DAGLA: variants seen among roughly 807,000 people sequenced by gnomAD.
DAGLA encodes the protein diacylglycerol lipase alpha.
In DAGLA, 22 loss-of-function variants were observed where a neutral mutation model predicts 102.6. The observed-to-expected ratio is 0.21, with a 90% CI of 0.15 to 0.31. DAGLA has a LOEUF of 0.31. DAGLA is among the 10% of genes least tolerant of loss of function. The pLI is 1.00. For synonymous variants in DAGLA, 578 were observed against 628.9 expected, an observed-to-expected ratio of 0.92 and a Z score of 1.21; for missense variants, 927 against 1,446.6, an observed-to-expected ratio of 0.64 and a Z score of 5.83.
At chr11:61,681,463 T>G (rs1591018865) in intron 1 of DAGLA, among the ~76,000 whole-genome samples, 4 of 152,174 alleles carry the variant, frequency 2.6e-5, no homozygotes, top group African/African-American at 9.6e-5. Flanking sequence ...CCAGAATATG[T>G]CCTGAGAAGC....
Position 61,723,513 on chromosome 11 carries a change from C to A in DAGLA, c.489C>A (p.Thr163=), listed in dbSNP as rs1327777400. The change falls in exon 5 of 20, where the codon ACC becomes ACA. Residue 163 remains threonine, a synonymous_variant. Coordinates refer to ENST00000257215, the MANE Select transcript of DAGLA (RefSeq NM_006133.3). ...GCGTCTTCGACCCCACGGGCCGCACCTTTGTCAAGCTGAGAGCCACCAAGA... is the reference window on the plus strand; with the variant it reads ...GCGTCTTCGACCCCACGGGCCGCACATTTGTCAAGCTGAGAGCCACCAAGA... ...VLCVFDPTGR[T]FVKLRATKRR... 6.2e-7 allele frequency: 1 copy of A among 1,614,030 alleles called. No homozygotes were observed. The highest frequency in any genetic ancestry group is 8.5e-7 in the Non-Finnish European group (1 of 1,180,028).
intron 3 of DAGLA, 72 bp downstream of exon 3, chr11:61,720,962 T>C (rs1284199793): frequency 9.7e-6 from 14 of 1,440,018 alleles, no homozygotes; most frequent in Non-Finnish European, 1.3e-5. Context: ...CAGTATTTAC[T>C]GCGCACATGT....
In DAGLA at chr11:61,741,255, A is replaced by C; in HGVS notation, c.2077A>C (p.Ile693Leu). 1 of 1,613,284 alleles carries C rather than the reference A, an allele frequency of 6.2e-7. No homozygotes were observed. Among genetic ancestry groups the C allele is most frequent in the Non-Finnish European group, 8.5e-7 (1 of 1,179,998 alleles). ...CGAGGTGGACCTGACTCCTGAGCTC[A>C]TCTTCCAGCAGCAGCCACTCCCCAC... Reference protein sequence around the residue: ...PTEVDLTPELIFQQQPLPTGP... With the variant: ...PTEVDLTPELLFQQQPLPTGP... The change falls in exon 19 of 20, where the codon ATC becomes CTC. Residue 693 changes from isoleucine to leucine, a missense_variant. Physicochemically the swap from Ile to Leu is conservative, Grantham distance 5. Coordinates refer to ENST00000257215, the MANE Select transcript of DAGLA (RefSeq NM_006133.3).
At chr11:61,726,150 T>G (rs2065324716) in intron 6 of DAGLA, 68 bp downstream of exon 6, 1 of 1,473,898 alleles carries the variant, frequency 6.8e-7, no homozygotes, top group Non-Finnish European at 9.4e-7. Context: ...GGCTGTTGGC[T>G]CCTTTGGCAA....
intron 6 of DAGLA, among the ~76,000 whole-genome samples, chr11:61,726,631 G>T (rs1302701819): frequency 6.6e-6 from 1 of 152,230 alleles, no homozygotes. Context: ...CCCCGCAGCG[G>T]GCAGGGACCT....
chr11:61,689,166 C>T (rs1000517261), intron 1 of DAGLA, among the ~76,000 whole-genome samples: 2 of 152,288 alleles, frequency 1.3e-5, no homozygotes, highest in Non-Finnish European at 2.9e-5. Context: ...AGCTCCTCCA[C>T]TGCCCTGGGA....
At chr11:61,703,702 G>GATGGATGA (rs1214973549) in intron 1 of DAGLA, among the ~76,000 whole-genome samples, 3 of 152,080 alleles carry the variant, frequency 2.0e-5, no homozygotes, top group Non-Finnish European at 2.9e-5. Flanking sequence ...TGGATGGATG[G>GATGGATGA]ATGGATGGAT....
intron 5 of DAGLA, among the ~76,000 whole-genome samples, chr11:61,724,347 C>T (rs1022210519): frequency 6.6e-6 from 1 of 152,158 alleles, no homozygotes; most frequent in Non-Finnish European, 1.5e-5. Flanking sequence ...TAAGGAGCTC[C>T]CCATGCCAAG....
At chr11:61,733,015 C>T (rs198448) in intron 9 of DAGLA, among the ~76,000 whole-genome samples, 61,019 of 152,100 alleles carry the variant, frequency 0.4, 12,538 homozygotes, top group East Asian at 0.73. Flanking sequence ...GACTCAGAGG[C>T]AGCCCTGTCA....
At chr11:61,737,571 C>T in intron 14 of DAGLA, 116 bp from the exon 15 acceptor site, 1 of 1,144,590 alleles carries the variant, frequency 8.7e-7, no homozygotes, top group Non-Finnish European at 1.3e-6. Context: ...AGCCAGCTCC[C>T]CGGGAGCCAT....
intron 1 of DAGLA, among the ~76,000 whole-genome samples, chr11:61,714,494 G>T (rs1054244653): frequency 5.3e-5 from 8 of 152,246 alleles, no homozygotes; most frequent in Non-Finnish European, 1.0e-4. Context: ...TGTGGATGTT[G>T]CTGGCTTCTA....
Position 61,745,128 on chromosome 11 carries a change from G to A in DAGLA, c.*639G>A, listed in dbSNP as rs928692107. 1 of 153,484 alleles carries A rather than the reference G, an allele frequency of 6.5e-6. No homozygotes were observed. Among genetic ancestry groups the A allele is most frequent in the Admixed American group, 6.5e-5 (1 of 15,310 alleles). The allele number at this position is 153,484 out of a possible 1,614,324, so 9.5% of individuals were successfully genotyped here. On this transcript the variant is annotated 3_prime_UTR_variant, in exon 20 of 20. Transcript: ENST00000257215. ...CCCAAGGCAGCCAGGGGCCTGGAGG[G>A]GCCAGAGGAGGGTGGGGTCAGGGCC... is the stretch of plus-strand genomic sequence containing the variant.
chr11:61,732,892 GC>G (rs1014664158), intron 9 of DAGLA, among the ~76,000 whole-genome samples: 4 of 152,276 alleles, frequency 2.6e-5, no homozygotes, highest in Non-Finnish European at 2.9e-5. Flanking sequence ...AGCACAGCGA[GC>G]CAGGCCTGCT....
At position 61,746,207 on chromosome 11, in the gene DAGLA, G is replaced by A. The variant is rs1247551944; in HGVS notation, c.*1718G>A. ...GCCCCTGCCCACCCTGACAGAGGGA[G>A]CTGGGCCTCCCCTCATCCTCTGTAA... On this transcript the variant is annotated 3_prime_UTR_variant, in exon 20 of 20. Transcript: ENST00000257215. 6.6e-6 allele frequency: 1 copy of A among 152,326 alleles called. No homozygotes were observed. Among genetic ancestry groups the A allele is most frequent in the Non-Finnish European group, 1.5e-5 (1 of 68,070 alleles). 9.4% of individuals were successfully genotyped at this position (152,326 alleles called of 1,614,324 possible). A position where few individuals can be genotyped will look rare whatever the true frequency, so the allele number is the denominator to read the frequency against.
chr11:61,728,788 C>A, intron 7 of DAGLA, 143 bp from the exon 8 acceptor site: 2 of 677,828 alleles, frequency 3.0e-6, no homozygotes, highest in Non-Finnish European at 5.1e-6. Flanking sequence ...GTGGCTGAAT[C>A]TTGGAAGAAC....
At chr11:61,743,354 C>G (rs1282568672) in intron 19 of DAGLA, among the ~76,000 whole-genome samples, 178 bp from the exon 20 acceptor site, 2 of 146,256 alleles carry the variant, frequency 1.4e-5, no homozygotes, top group Non-Finnish European at 3.0e-5. Context: ...CAGAGCGAGA[C>G]TCTGTCTCAA....
chr11:61,717,725 C>T (rs946455703), intron 1 of DAGLA, among the ~76,000 whole-genome samples: 1 of 152,184 alleles, frequency 6.6e-6, no homozygotes, highest in Non-Finnish European at 1.5e-5. Context: ...GCAGGCCTGT[C>T]ACTGGGTACC....
intron 1 of DAGLA, among the ~76,000 whole-genome samples, chr11:61,682,771 A>G (rs2064953220): frequency 6.9e-6 from 1 of 144,392 alleles, no homozygotes; most frequent in Admixed American, 7.1e-5. Flanking sequence ...AAGGAAATGA[A>G]GTGGGTCAGA....
intron 1 of DAGLA, among the ~76,000 whole-genome samples, chr11:61,713,847 A>C (rs534117347): frequency 1.6e-4 from 25 of 152,330 alleles, no homozygotes; most frequent in African/African-American, 6.0e-4. Context: ...AGTGCCCAAC[A>C]AGGCACATTC....
Sources: allele counts gnomAD v4.1 joint callset (sites outside exome capture counted in the v4.1 genomes callset), GRCh38; gene constraint gnomAD v4.1.1; transcripts MANE v1.5; gene names NCBI Gene and HGNC (gene_info 2026-07-23, HGNC 2026-07-21).